Variants in ANO1 observed in about 807,000 individuals in gnomAD.
ANO1 encodes the protein anoctamin-1.
Under a neutral mutation model 124.0 loss-of-function variants are expected in ANO1, and 59 were observed. The observed-to-expected ratio is 0.48, with a 90% CI of 0.39 to 0.59. The LOEUF (loss-of-function observed/expected upper bound fraction) is 0.59, where lower values mean the gene tolerates loss of function less well. Ranked by LOEUF, ANO1 falls within the 20% of genes least tolerant of loss-of-function variation. ANO1 has a pLI of 0.00. For synonymous variants in ANO1, 529 were observed against 532.0 expected (o/e 0.99, Z 0.08); for missense variants, 1,059 against 1,328.0 (o/e 0.80, Z 3.15).
intron 22 of ANO1, among the ~76,000 whole-genome samples, chr11:70,175,212 G>A (rs554322978): frequency 4.6e-5 from 7 of 152,238 alleles, no homozygotes; most frequent in Admixed American, 2.6e-4. Flanking sequence ...GGCCTTCCGC[G>A]TGCCTCTTTG....
rs778999525 is a variant in ANO1, at chr11:70,149,749, G to T, written c.1298G>T (p.Arg433Leu). Residue 433 changes from arginine (R) to leucine (L), a missense_variant, in exon 12 of 26, where the codon CGA (arginine) becomes CTA (leucine). Physicochemically the swap from Arg to Leu is moderately radical, Grantham distance 102. Coordinates refer to ENST00000355303, the MANE Select transcript of ANO1 (RefSeq NM_018043.7). ...GAGCACTGGAAGCGGAAACAGATGCGACTCAACTACCGCTGGGACCTCACG... is the reference window on the plus strand; with the variant it reads ...GAGCACTGGAAGCGGAAACAGATGCTACTCAACTACCGCTGGGACCTCACG... Reference protein sequence around the residue: ...FMEHWKRKQMRLNYRWDLTGF... With the variant: ...FMEHWKRKQMLLNYRWDLTGF... The T allele has an allele frequency of 6.2e-7, 1 of 1,613,750 alleles. No individual in the cohort carries two copies. Among genetic ancestry groups the T allele is most frequent in the Non-Finnish European group, 8.5e-7 (1 of 1,179,836 alleles).
chr11:70,180,172 C>T lies in ANO1; in HGVS notation c.2403+116C>T, dbSNP rs907886004. On this transcript the variant is annotated intron_variant, in intron 23 of 25. Transcript: ENST00000355303. ...CTTCTGCCTCTAGCCATGGTGCAGC[C>T]CCAGGCTGCCCGGATTCTCTAGTTA... The T allele has an allele frequency of 4.2e-6, 4 of 948,920 alleles. No individual in the cohort carries two copies. In the African/African-American group the frequency reaches 6.5e-5, roughly 15 times the overall value. The allele number at this position is 948,920 out of a possible 1,614,324, so 58.8% of individuals were successfully genotyped here. A position where few individuals can be genotyped will look rare whatever the true frequency, so the allele number is the denominator to read the frequency against.
intron 8 of ANO1, among the ~76,000 whole-genome samples, chr11:70,120,121 A>T (rs986189645): frequency 1.3e-5 from 2 of 152,140 alleles, no homozygotes; most frequent in African/African-American, 4.8e-5. Flanking sequence ...GATACCTCAC[A>T]GGGCAGAAAT....
At chr11:70,038,604 G>C (rs1857131606) in intron 1 of ANO1, among the ~76,000 whole-genome samples, 1 of 151,998 alleles carries the variant, frequency 6.6e-6, no homozygotes. Context: ...TTTCCCCTCT[G>C]GGACAGTCCT....
At chr11:70,150,271 C>T (rs974358117) in intron 12 of ANO1, among the ~76,000 whole-genome samples, 6 of 152,192 alleles carry the variant, frequency 3.9e-5, no homozygotes, top group Admixed American at 6.5e-5. Flanking sequence ...CAAGAGGGAA[C>T]GGATCCTTTA....
intron 1 of ANO1, among the ~76,000 whole-genome samples, chr11:70,069,690 TTTGGAAAACGATAATCTACG>T (rs1239788598): frequency 1.3e-5 from 2 of 152,096 alleles, no homozygotes; most frequent in African/African-American, 4.8e-5. Context: ...GGGAACAGCT[TTTGGAAAACGATAATCTACG>T]TTAGAGGCGG....
chr11:70,037,324 G>A (rs2135047462), intron 1 of ANO1, among the ~76,000 whole-genome samples: 2 of 152,242 alleles, frequency 1.3e-5, no homozygotes, highest in South Asian at 4.1e-4. Flanking sequence ...GAACTGTGGA[G>A]AAAGAGAAGA....
intron 1 of ANO1, among the ~76,000 whole-genome samples, chr11:70,073,208 A>G (rs2044003848): frequency 6.6e-6 from 1 of 150,850 alleles, no homozygotes; most frequent in Non-Finnish European, 1.5e-5. Context: ...CGCTGCGGGG[A>G]GTCCGACCCT....
upstream of ANO1, among the ~76,000 whole-genome samples, chr11:70,077,310 G>A (rs2044074424): frequency 6.6e-6 from 1 of 152,172 alleles, no homozygotes. Flanking sequence ...TATTTGGGTG[G>A]GAAGGGGACA....
chr11:70,118,170 A>G (rs1342365133), intron 8 of ANO1, among the ~76,000 whole-genome samples: 1 of 151,758 alleles, frequency 6.6e-6, no homozygotes, highest in African/African-American at 2.4e-5. Flanking sequence ...TCTCTGGGTC[A>G]CAGGCCCCTG....
chr11:69,983,200 G>A (rs1361481381), upstream of ANO1, among the ~76,000 whole-genome samples: 4 of 151,878 alleles, frequency 2.6e-5, no homozygotes, highest in South Asian at 2.1e-4. Context: ...ATCATGCTCC[G>A]GCTTGGGGTA....
intron 2 of ANO1, among the ~76,000 whole-genome samples, chr11:70,100,248 C>T (rs934116124): frequency 2.6e-5 from 4 of 152,184 alleles, no homozygotes; most frequent in Non-Finnish European, 4.4e-5. Context: ...AGAGGCTGAG[C>T]GGTGGCCCCC....
In ANO1 at chr11:70,008,486, T is replaced by C. The variant is rs558282899; in HGVS notation, c.58+22320T>C. Among the ~76,000 whole-genome samples the C allele has an allele frequency of 8.6e-4, 131 of 152,348 alleles. 3 individuals are homozygous for C. In the South Asian group the frequency reaches 0.025, roughly 29 times the overall value. On this transcript the variant is annotated intron_variant, in intron 1 of 27. Coordinates refer to the ANO1 transcript ENST00000531349. ...GAATATCCAGTTTCCCAGCGACCTT[T>C]GGCAAAGAGATTGTCCTTTTCCCAT...
At chr11:69,976,170 T>A in the ANO1 span, among the ~76,000 whole-genome samples, 1 of 152,126 alleles carries the variant, frequency 6.6e-6, no homozygotes, top group Non-Finnish European at 1.5e-5. Context: ...GACCTCAGCA[T>A]GCAACTGTAT....
chr11:70,050,922 C>T (rs115628607), intron 1 of ANO1, among the ~76,000 whole-genome samples: 13 of 152,258 alleles, frequency 8.5e-5, no homozygotes, highest in African/African-American at 2.6e-4. Context: ...TGGAAAGCAA[C>T]GTGATGCATG....
chr11:70,040,466 A>C (rs1857165870), intron 1 of ANO1, among the ~76,000 whole-genome samples: 1 of 152,192 alleles, frequency 6.6e-6, no homozygotes, highest in Non-Finnish European at 1.5e-5. Flanking sequence ...ACAAAAGATA[A>C]AGGAGTTCGA....
At chr11:70,138,868 A>G (rs960981031) in intron 11 of ANO1, among the ~76,000 whole-genome samples, 5 of 151,264 alleles carry the variant, frequency 3.3e-5, no homozygotes, top group Non-Finnish European at 7.4e-5. Context: ...TGTACAGGTT[A>G]TTTTGTCACC....
intron 2 of ANO1, among the ~76,000 whole-genome samples, chr11:70,100,909 G>A (rs948048512): frequency 5.3e-5 from 8 of 152,160 alleles, no homozygotes; most frequent in African/African-American, 1.7e-4. Context: ...TGAGCCTTCC[G>A]TGGGCAGCAG....
At chr11:70,026,786 G>A (rs1031508386) in intron 1 of ANO1, among the ~76,000 whole-genome samples, 4 of 152,092 alleles carry the variant, frequency 2.6e-5, no homozygotes, top group African/African-American at 7.2e-5. Flanking sequence ...CCCAGCTCTC[G>A]ACTCTCCAAA....
Sources: gnomAD v4.1 joint callset for allele counts (sites outside exome capture counted in the v4.1 genomes callset) on GRCh38, gnomAD v4.1.1 for gene constraint, MANE v1.5 for transcripts, NCBI Gene and HGNC (gene_info 2026-07-23, HGNC 2026-07-21) for gene names.